Variants in SLC17A4 observed in about 807,000 individuals in gnomAD.
The protein encoded by SLC17A4 is solute carrier family 17 member 4.
A neutral mutation model predicts 52.5 loss-of-function variants in SLC17A4; 33 were observed. The observed-to-expected ratio is 0.63, with a 90% CI of 0.48 to 0.84. The LOEUF (loss-of-function observed/expected upper bound fraction) is 0.84, where lower values mean the gene tolerates loss of function less well. Among genes scored for constraint, SLC17A4 ranks in the 40% least tolerant of loss-of-function variants. The pLI, the probability that SLC17A4 is intolerant of heterozygous loss-of-function variation, is 0.00. For synonymous variants in SLC17A4, 225 were observed against 216.2 expected (o/e 1.04, Z -0.36); for missense variants, 585 against 597.1 (o/e 0.98, Z 0.21).
At chr6:25,778,994 C>T in intron 11 of SLC17A4, 60 bp from the exon 12 acceptor site, 2 of 1,595,822 alleles carry the variant, frequency 1.3e-6, no homozygotes, top group Non-Finnish European at 1.7e-6. Context: ...CAAAGCCTTT[C>T]TGAACCAAGA....
Position 25,769,024 on chromosome 6 carries a change from A to T in SLC17A4, c.131A>T (p.Gln44Leu). 6.2e-7 allele frequency: 1 copy of T among 1,614,010 alleles called. No homozygotes were observed. Among genetic ancestry groups the T allele is most frequent in the South Asian group, 1.1e-5 (1 of 91,074 alleles). The change falls in exon 3 of 12, where the codon CAG becomes CTG. Residue 44 changes from glutamine (Q) to leucine (L), a missense_variant. Gln to Leu is a moderately radical substitution (Grantham distance 113). Transcript: ENST00000377905. Reference protein sequence around the residue: ...SVRHGLALILQLCNFSIYTQQ... With the variant: ...SVRHGLALILLLCNFSIYTQQ... ...CGACATGGGCTGGCCCTCATCTTGCAGCTCTGTAATTTTTCAATTTACACC... is the reference window on the plus strand; with the variant it reads ...CGACATGGGCTGGCCCTCATCTTGCTGCTCTGTAATTTTTCAATTTACACC...
At chr6:25,761,659 A>G (rs2151422512) in intron 1 of SLC17A4, among the ~76,000 whole-genome samples, 1 of 152,300 alleles carries the variant, frequency 6.6e-6, no homozygotes, top group East Asian at 1.9e-4. Context: ...GGGAACACAG[A>G]ACTAGAAAGG....
chr6:25,768,955 T>C, intron 2 of SLC17A4, 30 bp from the exon 3 acceptor site: 1 of 1,601,230 alleles, frequency 6.2e-7, no homozygotes, highest in Non-Finnish European at 8.6e-7. Flanking sequence ...AGCATTCTGA[T>C]TGTGATTTTT....
chr6:25,771,838 A>G (rs1762507077), intron 6 of SLC17A4, among the ~76,000 whole-genome samples: 1 of 152,158 alleles, frequency 6.6e-6, no homozygotes. Context: ...TAATACACAG[A>G]GAGATGCTGC....
In SLC17A4 at chr6:25,770,380, C is replaced by A; in HGVS notation, c.532-4C>A. 1 of 1,614,022 alleles carries A rather than the reference C, an allele frequency of 6.2e-7. No individual in the cohort carries two copies. Among genetic ancestry groups the A allele is most frequent in the Non-Finnish European group, 8.5e-7 (1 of 1,179,932 alleles). Reference sequence around the variant, plus strand: ...ATCTCCAAGAATGGAATTTTTCCCCCCAGGTTATGGTATTAACTGGTCAGT... The same window carrying A: ...ATCTCCAAGAATGGAATTTTTCCCCACAGGTTATGGTATTAACTGGTCAGT... On this transcript the variant is annotated splice_polypyrimidine_tract_variant and splice_region_variant and intron_variant, in intron 4 of 11. Coordinates refer to ENST00000377905, the MANE Select transcript of SLC17A4 (RefSeq NM_005495.3).
At chr6:25,757,389 T>C (rs1052820301) in intron 1 of SLC17A4, among the ~76,000 whole-genome samples, 2 of 152,020 alleles carry the variant, frequency 1.3e-5, no homozygotes, top group African/African-American at 4.8e-5. Context: ...TGCTGTAACT[T>C]TATATCTGCT....
At chr6:25,763,910 C>G (rs1315419489) in intron 2 of SLC17A4, among the ~76,000 whole-genome samples, 1 of 152,144 alleles carries the variant, frequency 6.6e-6, no homozygotes, top group Non-Finnish European at 1.5e-5. Context: ...AAAAGCAAAT[C>G]TAGGTATTTC....
intron 11 of SLC17A4, among the ~76,000 whole-genome samples, chr6:25,778,446 C>A (rs1191754620): frequency 6.6e-6 from 1 of 152,116 alleles, no homozygotes; most frequent in Non-Finnish European, 1.5e-5. Flanking sequence ...CCCTCCCAGG[C>A]ACTAGCATAC....
rs1293451059 is a variant in SLC17A4, at chr6:25,761,877, TATC to T, written c.-36-47_-36-45del. Reference sequence around the variant, plus strand: ...TAGTTCTTAGAAAGAATTGGGGTAATATCATATAAGATTCTCCCTGTATTTTCT... The same window carrying T: ...TAGTTCTTAGAAAGAATTGGGGTAATATATAAGATTCTCCCTGTATTTTCT... On this transcript the variant is annotated intron_variant, in intron 1 of 11. Transcript: ENST00000377905. 12 of 1,089,754 alleles carry T rather than the reference TATC, an allele frequency of 1.1e-5. 1 individual carries two copies. Among genetic ancestry groups the T allele is most frequent in the Middle Eastern group, 2.0e-4 (1 of 4,928 alleles). The allele number at this position is 1,089,754 out of a possible 1,614,324, so 67.5% of individuals were successfully genotyped here.
chr6:25,764,299 C>T (rs1300880652), intron 2 of SLC17A4, among the ~76,000 whole-genome samples: 1 of 152,106 alleles, frequency 6.6e-6, no homozygotes, highest in Non-Finnish European at 1.5e-5. Context: ...GTGGGAAAGG[C>T]ACTGAGAACA....
chr6:25,756,735 A>G (rs1761050657), intron 1 of SLC17A4, among the ~76,000 whole-genome samples: 1 of 152,196 alleles, frequency 6.6e-6, no homozygotes, highest in African/African-American at 2.4e-5. Context: ...TTCTTCAGTC[A>G]TGCAGGAGAT....
chr6:25,778,954 G>A, intron 11 of SLC17A4, 100 bp from the exon 12 acceptor site: 1 of 1,486,972 alleles, frequency 6.7e-7, no homozygotes, highest in Non-Finnish European at 9.2e-7. Context: ...CCAGAGTGGA[G>A]GTCGGGGAGG....
rs1439948220 is a variant in SLC17A4 at position 25,769,060 on chromosome 6, A to T, written c.167A>T (p.Asn56Ile). 6.2e-7 allele frequency: 1 copy of T among 1,613,976 alleles called. No homozygotes were observed. The highest frequency in any genetic ancestry group is 8.5e-7 in the Non-Finnish European group (1 of 1,179,990). Residue 56 changes from asparagine to isoleucine, a missense_variant, in exon 3 of 12, where the codon AAC becomes ATC. Physicochemically the swap from Asn to Ile is moderately radical, Grantham distance 149. Transcript: ENST00000377905. ...TTTTCAATTTACACCCAACAAATGA[A>T]CTTGAGCATTGCCATCCCAGCTATG... is the stretch of plus-strand genomic sequence containing the variant. ...CNFSIYTQQM[N>I]LSIAIPAMVN... is the part of the protein sequence containing the mutation.
chr6:25,773,792 A>C, intron 8 of SLC17A4, 118 bp downstream of exon 8: 1 of 982,332 alleles, frequency 1.0e-6, no homozygotes, highest in Non-Finnish European at 1.5e-6. Context: ...ACCAGGCAGG[A>C]CCTCCATATA....
Position 25,779,989 on chromosome 6 carries a change from T to C in SLC17A4, c.*801T>C, listed in dbSNP as rs1472177556. ...TCGTTTGCCCCTCTGACTGTTGGAA[T>C]CCCACGCACCATTCAGTAGGATTCA... is the stretch of plus-strand genomic sequence containing the variant. On this transcript the variant is annotated 3_prime_UTR_variant, in exon 12 of 12. Coordinates refer to ENST00000377905, the MANE Select transcript of SLC17A4 (RefSeq NM_005495.3). 6.6e-6 allele frequency: 1 copy of C among 152,198 alleles called. No individual in the cohort carries two copies. Among genetic ancestry groups the C allele is most frequent in the Non-Finnish European group, 1.5e-5 (1 of 68,026 alleles). The allele number at this position is 152,198 out of a possible 1,614,324, so 9.4% of individuals were successfully genotyped here.
rs2151441052 is a variant in SLC17A4 at position 25,770,143 on chromosome 6, C to T, written c.374C>T (p.Pro125Leu). 6 of 1,614,086 alleles carry T rather than the reference C, an allele frequency of 3.7e-6. No homozygotes were observed. The highest frequency in any genetic ancestry group is 5.1e-6 in the Non-Finnish European group (6 of 1,179,986). ...CTCAACTATGGCTCATTCTTGGCTC[C>T]AATCCCCAGTGGCTATGTGGCTGGA... Reference protein sequence around the residue: ...SSLNYGSFLAPIPSGYVAGIF... With the variant: ...SSLNYGSFLALIPSGYVAGIF... Residue 125 changes from proline (P) to leucine (L), a missense_variant, in exon 4 of 12, where the codon CCA becomes CTA. Coordinates refer to ENST00000377905, the MANE Select transcript of SLC17A4 (RefSeq NM_005495.3).
intron 10 of SLC17A4, 27 bp from the exon 11 acceptor site, chr6:25,777,899 T>A: frequency 6.3e-7 from 1 of 1,583,134 alleles, no homozygotes; most frequent in Non-Finnish European, 8.7e-7. Flanking sequence ...TACTTGGTTA[T>A]AATAGAGTAC....
rs371648847 is a variant in SLC17A4 at position 25,779,300 on chromosome 6, A to G, written c.*112A>G. ...ATAAGCCATTAGCTAGACCCTGACTATGTAACGCTAAAGATTTTACCATGC... is the reference window on the plus strand; with the variant it reads ...ATAAGCCATTAGCTAGACCCTGACTGTGTAACGCTAAAGATTTTACCATGC... On this transcript the variant is annotated 3_prime_UTR_variant, in exon 12 of 12. Coordinates refer to ENST00000377905, the MANE Select transcript of SLC17A4 (RefSeq NM_005495.3). 3.2e-5 allele frequency: 46 copies of G among 1,428,018 alleles called. 1 individual carries two copies. Among genetic ancestry groups the G allele is most frequent in the Admixed American group, 1.4e-4 (6 of 44,042 alleles). The allele number at this position is 1,428,018 out of a possible 1,614,324, so 88.5% of individuals were successfully genotyped here. A position where few individuals can be genotyped will look rare whatever the true frequency, so the allele number is the denominator to read the frequency against.
chr6:25,762,853 T>G (rs1761665771), intron 2 of SLC17A4, among the ~76,000 whole-genome samples: 1 of 152,186 alleles, frequency 6.6e-6, no homozygotes, highest in African/African-American at 2.4e-5. Flanking sequence ...TCTCATCTGT[T>G]TCTAAGGATT....
Sources: gnomAD v4.1 joint callset for allele counts (sites outside exome capture counted in the v4.1 genomes callset) on GRCh38, gnomAD v4.1.1 for gene constraint, MANE v1.5 for transcripts, NCBI Gene and HGNC (gene_info 2026-07-23, HGNC 2026-07-21) for gene names.